SLC22A23: variants seen among roughly 807,000 people sequenced by gnomAD.
SLC22A23 encodes ion transporter protein.
A neutral mutation model predicts 61.0 loss-of-function variants in SLC22A23; 26 were observed. The ratio of observed to expected loss-of-function variants is 0.43; its 90% CI spans 0.31 to 0.59. The LOEUF (loss-of-function observed/expected upper bound fraction) is 0.59. SLC22A23 is among the 20% of genes least tolerant of loss of function. The pLI is 0.11. For missense variants in SLC22A23, 796 were observed against 934.7 expected (o/e 0.85, Z 1.94); for synonymous variants, 430 against 413.9 (o/e 1.04, Z -0.47).
chr6:3,324,073 G>A lies in SLC22A23; in HGVS notation c.914-71C>T. 6.4e-7 allele frequency: 1 copy of A among 1,563,248 alleles called. No homozygotes were observed. Among genetic ancestry groups the A allele is most frequent in the Non-Finnish European group, 8.7e-7 (1 of 1,144,136 alleles). ...AGCCCGAGAAGTCCTGGGTGCACCT[G>A]GGCCAGTGCACTGCTTAACCCACCA... is the stretch of plus-strand genomic sequence containing the variant. On this transcript the variant is annotated intron_variant, in intron 3 of 9. Transcript: ENST00000406686. This position sits in a 1 kb window ranked among gnomAD's most constrained non-coding sequence, Gnocchi z 4.3.
chr6:3,412,297 G>C (rs1003098481), intron 2 of SLC22A23, among the ~76,000 whole-genome samples: 3 of 152,188 alleles, frequency 2.0e-5, no homozygotes, highest in African/African-American at 7.2e-5. Flanking sequence ...CACTGTCTTT[G>C]AAGTCAGAGT....
Position 3,456,835 on chromosome 6 carries a change from G to T in SLC22A23, c.-276C>A, listed in dbSNP as rs1772432825. 6.8e-6 allele frequency: 1 copy of T among 146,580 alleles called. No individual in the cohort carries two copies. Among genetic ancestry groups the T allele is most frequent in the Admixed American group, 6.8e-5 (1 of 14,782 alleles). 9.1% of individuals were successfully genotyped at this position (146,580 alleles called of 1,614,324 possible). The stretch of plus-strand genomic sequence containing the variant: ...AGCCGCCGCGGCTCATCAGTTCCGC[G>T]GCCCGGGCGCCGGCTGCCGAGCCCG... On this transcript the variant is annotated 5_prime_UTR_variant, in exon 1 of 10. Transcript: ENST00000406686. The surrounding 1 kb of genome is among the most constrained non-coding windows in gnomAD (Gnocchi z 7.1).
intron 3 of SLC22A23, among the ~76,000 whole-genome samples, chr6:3,363,975 C>A (rs1581755813): frequency 6.6e-6 from 1 of 152,058 alleles, no homozygotes; most frequent in Admixed American, 6.6e-5. Flanking sequence ...TTGGGTGGGC[C>A]CCAAACGGTA....
chr6:3,456,069 G>T lies in SLC22A23; in HGVS notation c.491C>A (p.Pro164His), dbSNP rs1440767071. 1 of 1,549,818 alleles carries T rather than the reference G, an allele frequency of 6.5e-7. No individual in the cohort carries two copies. The highest frequency in any genetic ancestry group is 1.4e-5 in the African/African-American group (1 of 73,146). The stretch of plus-strand genomic sequence containing the variant: ...GCTCCGGTTGCCCGCAGCCTCCCAG[G>T]GGGCAGTGGCGAAGGGGGTGGTGGG... ...SLPTTPFATA[P>H]WEAAGNRSNS... Residue 164 changes from proline (P) to histidine (H), a missense_variant, in exon 1 of 10, where the codon CCC becomes CAC. Physicochemically the swap from Pro to His is moderately conservative, Grantham distance 77. Coordinates refer to ENST00000406686, the MANE Select transcript of SLC22A23 (RefSeq NM_015482.2). This position sits in a 1 kb window ranked among gnomAD's most constrained non-coding sequence, Gnocchi z 7.1.
intron 1 of SLC22A23, among the ~76,000 whole-genome samples, chr6:3,442,571 C>T (rs541989965): frequency 6.6e-6 from 1 of 152,274 alleles, no homozygotes; most frequent in South Asian, 2.1e-4. Context: ...TGTAAAGCAT[C>T]TTGTAAACAC....
intron 1 of SLC22A23, among the ~76,000 whole-genome samples, chr6:3,423,353 A>C (rs58167401): frequency 0.047 from 7,193 of 152,216 alleles, 447 homozygotes; most frequent in African/African-American, 0.15. Flanking sequence ...TTCTCAGCAG[A>C]GGTTTGCATT....
At chr6:3,355,892 A>G (rs1351842018) in intron 3 of SLC22A23, among the ~76,000 whole-genome samples, 2 of 149,560 alleles carry the variant, frequency 1.3e-5, no homozygotes, top group African/African-American at 5.0e-5. Flanking sequence ...TATTAAAAAA[A>G]GAAGGAAGTT....
At position 3,327,461 on chromosome 6, in the gene SLC22A23, G is replaced by C. The variant is rs1763349433; in HGVS notation, c.914-3459C>G. Reference sequence around the variant, plus strand: ...AGGGCCACAAGAAAGTATCTTGGGTGATGCATCAAAGATTCAAACATTAAA... The same window carrying C: ...AGGGCCACAAGAAAGTATCTTGGGTCATGCATCAAAGATTCAAACATTAAA... On this transcript the variant is annotated intron_variant, in intron 3 of 9. Transcript: ENST00000406686. The surrounding 1 kb of genome is among the most constrained non-coding windows in gnomAD (Gnocchi z 4.1). Among the ~76,000 whole-genome samples, 1 of 152,250 alleles carries C rather than the reference G, an allele frequency of 6.6e-6. No homozygotes were observed. The highest frequency in any genetic ancestry group is 2.4e-5 in the African/African-American group (1 of 41,478).
In SLC22A23 at chr6:3,410,068, G is replaced by T; in HGVS notation, c.913+120C>A. On this transcript the variant is annotated intron_variant, in intron 3 of 9. Coordinates refer to ENST00000406686, the MANE Select transcript of SLC22A23 (RefSeq NM_015482.2). This position sits in a 1 kb window ranked among gnomAD's most constrained non-coding sequence, Gnocchi z 5.0. Reference sequence around the variant, plus strand: ...ACAACACTTGAGGCCTTTAATGTTTGTGTTTCCACAAAACTGCCAGCCCAC... The same window carrying T: ...ACAACACTTGAGGCCTTTAATGTTTTTGTTTCCACAAAACTGCCAGCCCAC... The T allele has an allele frequency of 8.6e-7, 1 of 1,159,222 alleles. No homozygotes were observed. The highest frequency in any genetic ancestry group is 1.2e-6 in the Non-Finnish European group (1 of 835,414). The allele number at this position is 1,159,222 out of a possible 1,614,324, so 71.8% of individuals were successfully genotyped here. A position where few individuals can be genotyped will look rare whatever the true frequency, so the allele number is the denominator to read the frequency against.
intron 5 of SLC22A23, 48 bp from the exon 6 acceptor site, chr6:3,289,914 G>T: frequency 6.6e-7 from 1 of 1,515,872 alleles, no homozygotes; most frequent in Non-Finnish European, 9.1e-7. Context: ...GCCCACAGAG[G>T]ACAGGACAGC....
In SLC22A23 at chr6:3,273,698, C is replaced by T. The variant is rs1561854012; in HGVS notation, c.1704-286G>A. 2.0e-5 allele frequency among the ~76,000 whole-genome samples: 3 copies of T among 152,192 alleles called. No individual in the cohort carries two copies. The South Asian group carries it at 6.2e-4, about 32-fold the overall frequency. On this transcript the variant is annotated intron_variant, in intron 9 of 9. Transcript: ENST00000406686. ...TTATTGTTTTTTCAGGGCTGGGGAC[C>T]ATGAGAACTTTATTTTGAAAGGCAG... is the stretch of plus-strand genomic sequence containing the variant.
In SLC22A23 at chr6:3,272,892, G is replaced by T; in HGVS notation, c.*163C>A. 1.6e-6 allele frequency: 1 copy of T among 611,722 alleles called. No homozygotes were observed. The highest frequency in any genetic ancestry group is 2.8e-6 in the Non-Finnish European group (1 of 359,658). The allele number at this position is 611,722 out of a possible 1,614,324, so 37.9% of individuals were successfully genotyped here. ...CCAAAGAGTTTGTCTCCTCCGACCC[G>T]CGCTCCTTGGACTTTTGGAAAGACA... On this transcript the variant is annotated 3_prime_UTR_variant, in exon 10 of 10. Transcript: ENST00000406686.
chr6:3,359,445 C>T (rs935452319), intron 3 of SLC22A23, among the ~76,000 whole-genome samples: 2 of 152,228 alleles, frequency 1.3e-5, no homozygotes, highest in African/African-American at 4.8e-5. Context: ...AGATGCTCAA[C>T]GTCACTGTCA....
Position 3,269,404 on chromosome 6 carries a change from A to AGGGC in SLC22A23, c.*3650_*3651insGCCC, listed in dbSNP as rs1338013297. ...TATTACTCACCATTAATGGTAGTGA[A>AGGGC]ATGCCCTTCGGTGGATACCATCAGG... On this transcript the variant is annotated 3_prime_UTR_variant, in exon 10 of 10. Coordinates refer to ENST00000406686, the MANE Select transcript of SLC22A23 (RefSeq NM_015482.2). 7 of 152,562 alleles carry AGGGC rather than the reference A, an allele frequency of 4.6e-5. No individual in the cohort carries two copies. Among genetic ancestry groups the AGGGC allele is most frequent in the Non-Finnish European group, 1.0e-4 (7 of 68,052 alleles). 9.5% of individuals were successfully genotyped at this position (152,562 alleles called of 1,614,324 possible). A position where few individuals can be genotyped will look rare whatever the true frequency, so the allele number is the denominator to read the frequency against.
At chr6:3,366,356 AAG>A (rs1491475843) in intron 3 of SLC22A23, among the ~76,000 whole-genome samples, 32 of 77,058 alleles carry the variant, frequency 4.2e-4, no homozygotes, top group African/African-American at 1.1e-3. Flanking sequence ...AAAAAAAAAA[AAG>A]AAAGAAAGAA....
intron 1 of SLC22A23, among the ~76,000 whole-genome samples, chr6:3,434,552 C>A (rs1370638040): frequency 6.6e-6 from 1 of 150,670 alleles, no homozygotes; most frequent in African/African-American, 2.5e-5. Flanking sequence ...GAGGTTGCAG[C>A]AAGCAGAGAT....
At chr6:3,369,523 T>C (rs1766064697) in intron 3 of SLC22A23, among the ~76,000 whole-genome samples, 1 of 152,052 alleles carries the variant, frequency 6.6e-6, no homozygotes, top group Non-Finnish European at 1.5e-5. Context: ...AAACCCCATC[T>C]CTACTAAAAA....
intron 3 of SLC22A23, among the ~76,000 whole-genome samples, chr6:3,376,024 T>G (rs1766537587): frequency 1.3e-5 from 2 of 152,238 alleles, no homozygotes; most frequent in Admixed American, 1.3e-4. Context: ...ATATTTCATT[T>G]TTGAATATTT....
rs780699641 is a variant in SLC22A23, at chr6:3,327,751, C to T, written c.914-3749G>A. On this transcript the variant is annotated intron_variant, in intron 3 of 9. Transcript: ENST00000406686. This position sits in a 1 kb window ranked among gnomAD's most constrained non-coding sequence, Gnocchi z 4.1. Reference sequence around the variant, plus strand: ...CCAGATTTTGGAATACTTGCATATACATAACGAGATATCTTGGGCAAGGGA... The same window carrying T: ...CCAGATTTTGGAATACTTGCATATATATAACGAGATATCTTGGGCAAGGGA... Among the ~76,000 whole-genome samples the T allele has an allele frequency of 1.1e-4, 16 of 152,272 alleles. No homozygotes were observed. The highest frequency in any genetic ancestry group is 3.1e-4 in the African/African-American group (13 of 41,546).
Sources: gnomAD v4.1 joint callset for allele counts (sites outside exome capture counted in the v4.1 genomes callset) on GRCh38, gnomAD v4.1.1 for gene constraint, Gnocchi (gnomAD v3.1) non-coding constraint, MANE v1.5 for transcripts, NCBI Gene and HGNC (gene_info 2026-07-23, HGNC 2026-07-21) for gene names.